PCDHGB3: variants seen among roughly 807,000 people sequenced by gnomAD.
The protein encoded by PCDHGB3 is protocadherin gamma-B3.
Under a neutral mutation model 59.2 loss-of-function variants are expected in PCDHGB3, and 40 were observed. The ratio of observed to expected loss-of-function variants is 0.68; its 90% CI spans 0.52 to 0.88. The LOEUF is 0.88. Among genes scored for constraint, PCDHGB3 ranks in the 40% least tolerant of loss-of-function variants. The probability of loss-of-function intolerance (pLI) is 0.00; values close to 1 mark genes in which losing one functional copy is unlikely to be tolerated. For missense variants in PCDHGB3, 1,309 were observed against 1,187.9 expected (o/e 1.10, Z -1.50); for synonymous variants, 581 against 503.6 (o/e 1.15, Z -2.06).
intron 1 of PCDHGB3, among the ~76,000 whole-genome samples, chr5:141,443,690 A>C (rs2098399415): frequency 6.6e-6 from 1 of 152,224 alleles, no homozygotes; most frequent in Non-Finnish European, 1.5e-5. Flanking sequence ...AACACTTCAA[A>C]AATTATAGAA....
intron 1 of PCDHGB3, chr5:141,413,721 C>A (rs779673406): frequency 6.2e-7 from 1 of 1,613,592 alleles, no homozygotes. Context: ...ATAAGCACTT[C>A]TCCCTAAGAG....
At chr5:141,385,018 T>TTCGTCC in intron 1 of PCDHGB3, 1 of 1,614,144 alleles carries the variant, frequency 6.2e-7, no homozygotes, top group Non-Finnish European at 8.5e-7. Flanking sequence ...CTTCCTAGCC[T>TTCGTCC]TCGTCCTCGT....
intron 1 of PCDHGB3, among the ~76,000 whole-genome samples, chr5:141,467,008 A>AT (rs1165146249): frequency 6.7e-6 from 1 of 150,270 alleles, no homozygotes; most frequent in Non-Finnish European, 1.5e-5. Context: ...TTGCAATGCA[A>AT]TTTTTTTCCC....
Position 141,486,151 on chromosome 5 carries a change from T to C in PCDHGB3, c.2416-8656T>C, listed in dbSNP as rs570065848. The C allele has an allele frequency of 2.7e-5, 44 of 1,613,914 alleles. No individual in the cohort carries two copies. In the South Asian group the frequency reaches 4.3e-4, roughly 16 times the overall value. ...TTGATGTGCGGGCTCGCGATGGGGGTTCTCCAGCCATGGAGCAACATTGCA... is the reference window on the plus strand; with the variant it reads ...TTGATGTGCGGGCTCGCGATGGGGGCTCTCCAGCCATGGAGCAACATTGCA... On this transcript the variant is annotated intron_variant, in intron 1 of 3. Transcript: ENST00000576222. The surrounding 1 kb of genome is among the most constrained non-coding windows in gnomAD (Gnocchi z 5.0).
chr5:141,489,174 C>A lies in PCDHGB3; in HGVS notation c.2416-5633C>A. On this transcript the variant is annotated intron_variant, in intron 1 of 3. Coordinates refer to ENST00000576222, the MANE Select transcript of PCDHGB3 (RefSeq NM_018924.5). The surrounding 1 kb of genome is among the most constrained non-coding windows in gnomAD (Gnocchi z 4.5). ...ATAAGAGACTTCAGCTGCTGCATTC[C>A]AAGCCCTGGGTCTACCTTGGAGACA... The A allele has an allele frequency of 8.2e-7, 1 of 1,224,772 alleles. No individual in the cohort carries two copies. 75.9% of individuals were successfully genotyped at this position (1,224,772 alleles called of 1,614,324 possible).
intron 1 of PCDHGB3, among the ~76,000 whole-genome samples, chr5:141,472,980 CAAAAA>C (rs60579131): frequency 1.2e-5 from 1 of 86,106 alleles, no homozygotes; most frequent in African/African-American, 3.9e-5. Flanking sequence ...GAGTGAAACT[CAAAAA>C]AAAAAAAAAA....
intron 1 of PCDHGB3, among the ~76,000 whole-genome samples, chr5:141,434,902 C>T (rs1591355042): frequency 6.6e-6 from 1 of 151,934 alleles, no homozygotes; most frequent in East Asian, 1.9e-4. Flanking sequence ...CCCCTTCCCT[C>T]ATACCTTATT....
intron 1 of PCDHGB3, chr5:141,383,337 A>G (rs1185721914): frequency 6.2e-7 from 1 of 1,614,066 alleles, no homozygotes; most frequent in East Asian, 2.2e-5. Flanking sequence ...TGGAGAATAC[A>G]GCTCCTGGGG....
chr5:141,507,735 C>T (rs942364858), intron 3 of PCDHGB3, among the ~76,000 whole-genome samples: 3 of 152,268 alleles, frequency 2.0e-5, no homozygotes, highest in Non-Finnish European at 2.9e-5. Flanking sequence ...TCATGCAGCT[C>T]GTTCCCCTGT....
intron 1 of PCDHGB3, chr5:141,414,054 G>T: frequency 6.2e-7 from 1 of 1,610,250 alleles, no homozygotes; most frequent in South Asian, 1.1e-5. Context: ...ACACGCAATT[G>T]TTGAAGTTCC....
At chr5:141,388,858 T>C (rs1217000654) in intron 1 of PCDHGB3, 1 of 1,613,984 alleles carries the variant, frequency 6.2e-7, no homozygotes, top group Non-Finnish European at 8.5e-7. Context: ...GGTGGAGGAA[T>C]GATTGCGCAA....
At chr5:141,379,767 A>G (rs1366813038) in intron 1 of PCDHGB3, 3 of 152,120 alleles carry the variant, frequency 2.0e-5, no homozygotes, top group Non-Finnish European at 4.4e-5. Context: ...CCTGCAATAC[A>G]GATCATTAAT....
chr5:141,457,959 T>C (rs1426112930), intron 1 of PCDHGB3, among the ~76,000 whole-genome samples: 3 of 152,208 alleles, frequency 2.0e-5, no homozygotes, highest in Admixed American at 2.0e-4. Flanking sequence ...CAAGCTTGAT[T>C]CCTTAAAGGG....
Position 141,512,559 on chromosome 5 carries a change from C to T in PCDHGB3, c.*1386C>T, listed in dbSNP as rs1396321304. The T allele has an allele frequency of 6.5e-6, 1 of 152,904 alleles. No individual in the cohort carries two copies. The highest frequency in any genetic ancestry group is 1.5e-5 in the Non-Finnish European group (1 of 68,438). The allele number at this position is 152,904 out of a possible 1,614,324, so 9.5% of individuals were successfully genotyped here. ...CCCCAGTGCCTCCTTGTGCATAGAC[C>T]TTCTTCTCCCACCCCCTTCTGCCCC... On this transcript the variant is annotated 3_prime_UTR_variant, in exon 4 of 4. Coordinates refer to ENST00000576222, the MANE Select transcript of PCDHGB3 (RefSeq NM_018924.5).
chr5:141,414,210 T>C (rs1252033650), intron 1 of PCDHGB3: 1 of 1,612,706 alleles, frequency 6.2e-7, no homozygotes, highest in East Asian at 2.2e-5. Flanking sequence ...AAGATGTAAA[T>C]GACAACAGTC....
intron 1 of PCDHGB3, chr5:141,393,429 G>GCAA (rs761074463): frequency 2.5e-6 from 4 of 1,613,910 alleles, no homozygotes; most frequent in South Asian, 1.1e-5. Flanking sequence ...GGAGGAAGAG[G>GCAA]CTGCTCACCA....
Position 141,399,994 on chromosome 5 carries a change from C to T in PCDHGB3, c.2415+27185C>T, listed in dbSNP as rs538358679. 27 of 1,612,262 alleles carry T rather than the reference C, an allele frequency of 1.7e-5. No individual in the cohort carries two copies. The East Asian group carries it at 1.8e-4, about 11-fold the overall frequency. On this transcript the variant is annotated intron_variant, in intron 1 of 3. Coordinates refer to ENST00000576222, the MANE Select transcript of PCDHGB3 (RefSeq NM_018924.5). ...CCTGGGGCTGCGCACAGGAGAGGTG[C>T]GCACAGCGCGTGCCTTGGGCGACAG...
At chr5:141,394,717 G>A (rs1403492553) in intron 1 of PCDHGB3, 1 of 1,613,320 alleles carries the variant, frequency 6.2e-7, no homozygotes, top group East Asian at 2.2e-5. Flanking sequence ...CTGCTGGACA[G>A]AGATGCGCTC....
chr5:141,410,629 C>A (rs1393614526), intron 1 of PCDHGB3: 1 of 1,601,482 alleles, frequency 6.2e-7, no homozygotes, highest in East Asian at 2.2e-5. Context: ...CGGTGAGTTT[C>A]TCTTTTTTGT....
Sources: allele counts gnomAD v4.1 joint callset (sites outside exome capture counted in the v4.1 genomes callset), GRCh38; gene constraint gnomAD v4.1.1; non-coding constraint Gnocchi (gnomAD v3.1); transcripts MANE v1.5; gene names NCBI Gene and HGNC (gene_info 2026-07-23, HGNC 2026-07-21).